The following ZCCHC7 variants were observed in gnomAD, a reference collection of about 807,000 sequenced individuals.
ZCCHC7 encodes zinc finger CCHC-type containing 7.
A neutral mutation model predicts 52.0 loss-of-function variants in ZCCHC7; 35 were observed. The observed-to-expected ratio is 0.67, with a 90% CI of 0.51 to 0.89. The LOEUF (loss-of-function observed/expected upper bound fraction) is 0.89. Ranked by LOEUF, ZCCHC7 falls within the 40% of genes least tolerant of loss-of-function variation. The pLI, the probability that ZCCHC7 is intolerant of heterozygous loss-of-function variation, is 0.00. For missense variants in ZCCHC7, 574 were observed against 649.1 expected, an observed-to-expected ratio of 0.88 and a Z score of 1.26; for synonymous variants, 217 against 221.5, an observed-to-expected ratio of 0.98 and a Z score of 0.18.
intron 4 of ZCCHC7, 95 bp from the exon 5 acceptor site, chr9:37,305,449 T>C (rs1265944304): frequency 6.9e-7 from 1 of 1,455,014 alleles, no homozygotes; most frequent in African/African-American, 1.4e-5. Context: ...GATCTCAAAT[T>C]AGAAAAGATT....
intron 2 of ZCCHC7, among the ~76,000 whole-genome samples, chr9:37,258,477 C>T (rs577750990): frequency 6.6e-6 from 1 of 152,164 alleles, no homozygotes; most frequent in African/African-American, 2.4e-5. Flanking sequence ...TTCTAAGGAG[C>T]CAGATGCTGT....
intron 5 of ZCCHC7, among the ~76,000 whole-genome samples, chr9:37,321,725 C>A (rs190734284): frequency 6.6e-6 from 1 of 152,204 alleles, no homozygotes; most frequent in East Asian, 1.9e-4. Flanking sequence ...ATGATTACAC[C>A]ACTGCATTCT....
intron 6 of ZCCHC7, among the ~76,000 whole-genome samples, chr9:37,345,796 A>G (rs1281690586): frequency 6.6e-6 from 1 of 152,102 alleles, no homozygotes; most frequent in Non-Finnish European, 1.5e-5. Context: ...ATTGCAGAAT[A>G]TAAAACGGTT....
intron 4 of ZCCHC7, 77 bp downstream of exon 4, chr9:37,304,390 A>AT: frequency 6.5e-7 from 1 of 1,530,904 alleles, no homozygotes; most frequent in Non-Finnish European, 8.9e-7. Flanking sequence ...ACGGTGGCTC[A>AT]TGCCTGTAAT....
chr9:37,225,557 T>C lies in ZCCHC7; in HGVS notation c.611-76631T>C, dbSNP rs114604739. On this transcript the variant is annotated intron_variant, in intron 2 of 8. Transcript: ENST00000336755. ...AAATTATTAACAAAATATTAGGAAA[T>C]GAATTATGTAATATATTAAAAGATT... 5.1e-3 allele frequency among the ~76,000 whole-genome samples: 776 copies of C among 152,194 alleles called. 4 individuals carry two copies. The highest frequency in any genetic ancestry group is 0.018 in the African/African-American group (740 of 41,520).
At chr9:37,284,834 TATAA>T (rs1828135362) in intron 2 of ZCCHC7, among the ~76,000 whole-genome samples, 1 of 152,220 alleles carries the variant, frequency 6.6e-6, no homozygotes, top group Admixed American at 6.5e-5. Flanking sequence ...GCATTGGGAT[TATAA>T]ATAGTCAGTC....
At chr9:37,263,922 G>A (rs1285567650) in intron 2 of ZCCHC7, among the ~76,000 whole-genome samples, 7 of 152,192 alleles carry the variant, frequency 4.6e-5, no homozygotes, top group Admixed American at 4.6e-4. Context: ...GTAGAAAGAA[G>A]TTATTTACAA....
intron 6 of ZCCHC7, among the ~76,000 whole-genome samples, chr9:37,330,454 T>TATA (rs914383580): frequency 6.6e-6 from 1 of 151,646 alleles, no homozygotes; most frequent in African/African-American, 2.4e-5. Flanking sequence ...ACATCCATAT[T>TATA]ATAACAACCA....
intron 2 of ZCCHC7, among the ~76,000 whole-genome samples, chr9:37,229,644 AG>A (rs2133304737): frequency 6.6e-6 from 1 of 152,346 alleles, no homozygotes; most frequent in East Asian, 1.9e-4. Context: ...TTTTAGAACC[AG>A]AAGTTGCTCT....
At chr9:37,263,395 G>C (rs1478599501) in intron 2 of ZCCHC7, among the ~76,000 whole-genome samples, 3 of 151,620 alleles carry the variant, frequency 2.0e-5, no homozygotes, top group Non-Finnish European at 4.4e-5. Flanking sequence ...AAAACCTGTG[G>C]TTTTTATCGT....
At chr9:37,296,836 C>A (rs1321430152) in intron 2 of ZCCHC7, among the ~76,000 whole-genome samples, 1 of 150,992 alleles carries the variant, frequency 6.6e-6, no homozygotes, top group African/African-American at 2.4e-5. Flanking sequence ...CCTCAGCCTC[C>A]ATATTAGCTG....
intron 2 of ZCCHC7, among the ~76,000 whole-genome samples, chr9:37,149,067 A>G (rs1279164594): frequency 6.6e-6 from 1 of 152,046 alleles, no homozygotes; most frequent in Non-Finnish European, 1.5e-5. Flanking sequence ...GTTACAACCT[A>G]CTCTATAGTG....
At chr9:37,135,806 T>A (rs1318270053) in intron 2 of ZCCHC7, among the ~76,000 whole-genome samples, 1 of 152,226 alleles carries the variant, frequency 6.6e-6, no homozygotes. Flanking sequence ...GAAAGTGTTT[T>A]AACTATTTTG....
intron 2 of ZCCHC7, among the ~76,000 whole-genome samples, chr9:37,144,601 T>C (rs765162030): frequency 1.3e-5 from 2 of 152,036 alleles, no homozygotes; most frequent in Non-Finnish European, 2.9e-5. Context: ...TTGATTTAGA[T>C]AATATTCTTA....
Position 37,289,564 on chromosome 9 carries a change from ATC to A in ZCCHC7, c.611-12622_611-12621del, listed in dbSNP as rs370931896. On this transcript the variant is annotated intron_variant, in intron 2 of 8. Transcript: ENST00000336755. ...CTACTCCACCCTGGTCAGAGGTACT[ATC>A]TTTTTTGGACTGAATTATTGCAGTA... 1.1e-3 allele frequency among the ~76,000 whole-genome samples: 163 copies of A among 152,270 alleles called. 2 individuals carry two copies. In the South Asian group the frequency reaches 0.032, roughly 30 times the overall value.
chr9:37,128,454 T>C (rs1842631482), intron 2 of ZCCHC7, among the ~76,000 whole-genome samples: 1 of 152,192 alleles, frequency 6.6e-6, no homozygotes, highest in Admixed American at 6.5e-5. Context: ...TACCAGTATT[T>C]TGAAGATGAC....
intron 2 of ZCCHC7, among the ~76,000 whole-genome samples, chr9:37,204,109 G>C (rs531909022): frequency 1.3e-5 from 2 of 152,260 alleles, no homozygotes; most frequent in African/African-American, 4.8e-5. Context: ...GTCGTCTTTT[G>C]ATAAGTGTCT....
intron 3 of ZCCHC7, among the ~76,000 whole-genome samples, chr9:37,303,235 G>C (rs1829119734): frequency 6.6e-6 from 1 of 152,026 alleles, no homozygotes; most frequent in African/African-American, 2.4e-5. Context: ...AATCAGACTG[G>C]GCAACATGGC....
At chr9:37,178,598 A>G (rs1013892077) in intron 2 of ZCCHC7, among the ~76,000 whole-genome samples, 5 of 152,200 alleles carry the variant, frequency 3.3e-5, no homozygotes, top group Admixed American at 6.5e-5. Context: ...TTATGATATA[A>G]AAGATTTAAC....
Sources: allele counts gnomAD v4.1 joint callset (sites outside exome capture counted in the v4.1 genomes callset), GRCh38; gene constraint gnomAD v4.1.1; transcripts MANE v1.5; gene names NCBI Gene and HGNC (gene_info 2026-07-23, HGNC 2026-07-21).